Variants in KDM4B observed in about 807,000 individuals in gnomAD.
The protein encoded by KDM4B is lysine-specific demethylase 4B.
KDM4B carries 32 observed loss-of-function variants against 125.2 expected under a neutral mutation model. That is an observed-to-expected ratio of 0.26 (90% CI 0.19 to 0.34). KDM4B has a LOEUF of 0.34. Ranked by LOEUF, KDM4B falls within the 10% of genes least tolerant of loss-of-function variation. The pLI is 1.00. For synonymous variants in KDM4B, 721 were observed against 677.9 expected (o/e 1.06, Z -0.99); for missense variants, 1,190 against 1,577.7 (o/e 0.75, Z 4.16).
Position 5,110,604 on chromosome 19 carries a change from C to A in KDM4B, c.919-18C>A. 1 of 1,612,492 alleles carries A rather than the reference C, an allele frequency of 6.2e-7. No individual in the cohort carries two copies. Among genetic ancestry groups the A allele is most frequent in the Non-Finnish European group, 8.5e-7 (1 of 1,179,680 alleles). On this transcript the variant is annotated intron_variant, in intron 9 of 22. Coordinates refer to ENST00000159111, the MANE Select transcript of KDM4B (RefSeq NM_015015.3). ...TCCAGGTGTGGCGCGAGGGCTCAGACCGTGTCCCCTGCCGCAGTGCACGTG... is the reference window on the plus strand; with the variant it reads ...TCCAGGTGTGGCGCGAGGGCTCAGAACGTGTCCCCTGCCGCAGTGCACGTG...
intron 1 of KDM4B, among the ~76,000 whole-genome samples, chr19:4,974,097 T>A (rs2034358230): frequency 7.0e-6 from 1 of 143,222 alleles, no homozygotes; most frequent in Non-Finnish European, 1.5e-5. Context: ...CAAGACTCCG[T>A]CTCAAAAAAA....
chr19:5,134,639 C>T (rs1335213981), intron 14 of KDM4B, among the ~76,000 whole-genome samples: 3 of 152,222 alleles, frequency 2.0e-5, no homozygotes, highest in African/African-American at 4.8e-5. Flanking sequence ...GCAGCCTCCC[C>T]AGGACAGGAC....
intron 11 of KDM4B, among the ~76,000 whole-genome samples, chr19:5,123,076 AC>A (rs1454873077): frequency 6.6e-6 from 1 of 151,986 alleles, no homozygotes; most frequent in Non-Finnish European, 1.5e-5. Context: ...AAACTAACCA[AC>A]CTCCATCGAT....
intron 10 of KDM4B, chr19:5,119,316 C>A: frequency 1.1e-6 from 1 of 871,532 alleles, no homozygotes; most frequent in Non-Finnish European, 1.8e-6. Flanking sequence ...TCCCGTGGCA[C>A]ACGCGGCTCC....
intron 1 of KDM4B, among the ~76,000 whole-genome samples, chr19:4,982,222 A>G (rs1258360245): frequency 6.6e-6 from 1 of 151,198 alleles, no homozygotes; most frequent in Non-Finnish European, 1.5e-5. Context: ...AACCTGGGAG[A>G]TGGAGGCTGC....
intron 10 of KDM4B, among the ~76,000 whole-genome samples, chr19:5,117,855 T>C (rs1042642402): frequency 6.6e-6 from 1 of 152,170 alleles, no homozygotes; most frequent in Non-Finnish European, 1.5e-5. Context: ...GCTTTCTGCC[T>C]TGAGTCATTG....
chr19:4,974,468 G>A (rs939636412), intron 1 of KDM4B, among the ~76,000 whole-genome samples: 6 of 151,982 alleles, frequency 3.9e-5, no homozygotes, highest in African/African-American at 1.5e-4. Flanking sequence ...GCCAGGTGTG[G>A]TGGCTCACGC....
intron 3 of KDM4B, among the ~76,000 whole-genome samples, chr19:5,034,603 G>A (rs954109482): frequency 3.9e-5 from 6 of 152,124 alleles, no homozygotes; most frequent in Non-Finnish European, 7.3e-5. Context: ...GATTCGGCCC[G>A]AGGGCCGCAG....
At chr19:5,072,674 G>A (rs1226546790) in intron 7 of KDM4B, among the ~76,000 whole-genome samples, 1 of 152,186 alleles carries the variant, frequency 6.6e-6, no homozygotes, top group Non-Finnish European at 1.5e-5. Context: ...TGTTGTATTA[G>A]CATCCTGAGG....
chr19:4,990,491 C>T lies in KDM4B; in HGVS notation c.-109+21261C>T, dbSNP rs74703693. On this transcript the variant is annotated intron_variant, in intron 1 of 22. Transcript: ENST00000159111. Reference sequence around the variant, plus strand: ...ATCTGTTACCTGAGTCTGAAGGCAGCGTGGCGAGGAGATGGGAGGGCTGTG... The same window carrying T: ...ATCTGTTACCTGAGTCTGAAGGCAGTGTGGCGAGGAGATGGGAGGGCTGTG... 1.7e-4 allele frequency among the ~76,000 whole-genome samples: 26 copies of T among 152,268 alleles called. No individual in the cohort carries two copies. In the East Asian group the frequency reaches 3.1e-3, roughly 18 times the overall value.
intron 6 of KDM4B, among the ~76,000 whole-genome samples, chr19:5,066,980 G>A (rs1468440900): frequency 6.6e-6 from 1 of 152,138 alleles, no homozygotes. Context: ...CGTCCCGGCC[G>A]ATGTGAGTCC....
chr19:4,978,088 G>T (rs917421736), intron 1 of KDM4B, among the ~76,000 whole-genome samples: 2 of 152,154 alleles, frequency 1.3e-5, no homozygotes, highest in Non-Finnish European at 2.9e-5. Flanking sequence ...GAAGATTGCC[G>T]TCCCTAGCAT....
chr19:5,076,582 T>C (rs62115601), intron 7 of KDM4B: 1,228 of 33,460 alleles, frequency 0.037, 4 homozygotes, highest in East Asian at 0.31. Context: ...TCCCCAGGGT[T>C]GTGCTCTCTC....
chr19:4,973,057 G>T (rs769553330), intron 1 of KDM4B, among the ~76,000 whole-genome samples: 2 of 152,170 alleles, frequency 1.3e-5, no homozygotes, highest in Non-Finnish European at 2.9e-5. Flanking sequence ...AGTCACCATA[G>T]CCCTGACCTG....
At position 5,041,358 on chromosome 19, in the gene KDM4B, A is replaced by G. The variant is rs1254535149; in HGVS notation, c.432+107A>G. On this transcript the variant is annotated intron_variant, in intron 5 of 22. Transcript: ENST00000159111. ...TGGCAGATGAAGCTTCCAGGCAGGC[A>G]AGGTTAACCCCCTCGCCCAGGCTCT... 3 of 789,922 alleles carry G rather than the reference A, an allele frequency of 3.8e-6. No homozygotes were observed. In the East Asian group the frequency reaches 8.1e-5, roughly 21 times the overall value. 48.9% of individuals were successfully genotyped at this position (789,922 alleles called of 1,614,324 possible).
rs777737011 is a variant in KDM4B at position 5,082,359 on chromosome 19, C to T, written c.781-8C>T. 2.5e-6 allele frequency: 4 copies of T among 1,613,358 alleles called. No homozygotes were observed. The highest frequency in any genetic ancestry group is 1.7e-5 in the Admixed American group (1 of 59,974). ...CCCTGCCCTCACCTGTCTCCTTTCC[C>T]TCTGCAGATCACGCAGGAGGCCGGG... On this transcript the variant is annotated splice_region_variant and splice_polypyrimidine_tract_variant and intron_variant, in intron 8 of 22. Coordinates refer to ENST00000159111, the MANE Select transcript of KDM4B (RefSeq NM_015015.3). This position sits in a 1 kb window ranked among gnomAD's most constrained non-coding sequence, Gnocchi z 5.4.
At chr19:5,012,710 G>C (rs537469599) in intron 1 of KDM4B, among the ~76,000 whole-genome samples, 39 of 152,346 alleles carry the variant, frequency 2.6e-4, no homozygotes, top group African/African-American at 9.4e-4. Context: ...CAGAGGTAAG[G>C]GCTCTTCTCA....
chr19:5,005,058 C>A (rs1043009211), intron 1 of KDM4B, among the ~76,000 whole-genome samples: 14 of 152,226 alleles, frequency 9.2e-5, no homozygotes, highest in African/African-American at 3.4e-4. Context: ...TGTGTGCCGG[C>A]CTGTCCTGCG....
intron 9 of KDM4B, among the ~76,000 whole-genome samples, chr19:5,088,069 G>A (rs10853982): frequency 0.33 from 49,965 of 152,174 alleles, 9,632 homozygotes; most frequent in East Asian, 0.9. Context: ...CCACCTGTGG[G>A]GAGAGAAGCC....
Sources: gnomAD v4.1 joint callset for allele counts (sites outside exome capture counted in the v4.1 genomes callset) on GRCh38, gnomAD v4.1.1 for gene constraint, Gnocchi (gnomAD v3.1) non-coding constraint, MANE v1.5 for transcripts, NCBI Gene and HGNC (gene_info 2026-07-23, HGNC 2026-07-21) for gene names.